The following B4GALT4 variants were observed in gnomAD, a reference collection of about 807,000 sequenced individuals.
B4GALT4 encodes N-acetyllactosamine synthase.
In B4GALT4, 27 loss-of-function variants were observed where a neutral mutation model predicts 37.3. The ratio of observed to expected loss-of-function variants is 0.72; its 90% confidence interval spans 0.53 to 1.00. B4GALT4 has a LOEUF of 1.00. B4GALT4 is among the 50% of genes least tolerant of loss of function. The pLI, the probability that B4GALT4 is intolerant of heterozygous loss-of-function variation, is 0.00. For synonymous variants in B4GALT4, 148 were observed against 154.1 expected (o/e 0.96, Z 0.29); for missense variants, 372 against 413.1 (o/e 0.90, Z 0.86).
chr3:119,221,569 C>T (rs979212817), intron 5 of B4GALT4, among the ~76,000 whole-genome samples: 8 of 152,218 alleles, frequency 5.3e-5, no homozygotes, highest in Non-Finnish European at 1.2e-4. Flanking sequence ...CTCCTACCTA[C>T]ATTACTTATA....
chr3:119,212,711 TAAG>T, intron 7 of B4GALT4, 30 bp from the exon 8 acceptor site: 1 of 1,561,648 alleles, frequency 6.4e-7, no homozygotes, highest in Admixed American at 2.1e-5. Context: ...ATGTGAATGA[TAAG>T]AATTTAACAT....
intron 6 of B4GALT4, among the ~76,000 whole-genome samples, chr3:119,217,650 G>A (rs572313839): frequency 3.3e-5 from 5 of 152,212 alleles, no homozygotes. Context: ...AGATCAGCCT[G>A]GCCAATATGG....
At chr3:119,216,429 TACACACACACGCACATACACACAC>T (rs983068111) in intron 6 of B4GALT4, 85 bp from the exon 7 acceptor site, 16 of 595,746 alleles carry the variant, frequency 2.7e-5, no homozygotes, top group African/African-American at 2.1e-4. Flanking sequence ...CGAAAATTTA[TACACACACACGCACATACACACAC>T]ACACACACAC....
At chr3:119,222,102 G>C (rs2078467371) in intron 5 of B4GALT4, among the ~76,000 whole-genome samples, 1 of 152,152 alleles carries the variant, frequency 6.6e-6, no homozygotes. Context: ...GCAATCCTCT[G>C]TGATTGCTTA....
chr3:119,234,177 G>A (rs1208709941), intron 2 of B4GALT4, among the ~76,000 whole-genome samples: 1 of 152,018 alleles, frequency 6.6e-6, no homozygotes, highest in Non-Finnish European at 1.5e-5. Context: ...GAGTGCAGTG[G>A]TGTGATCTCA....
intron 4 of B4GALT4, among the ~76,000 whole-genome samples, chr3:119,224,881 T>TC (rs1242728927): frequency 1.3e-5 from 2 of 152,328 alleles, no homozygotes; most frequent in African/African-American, 2.4e-5. Flanking sequence ...CTTTACGTAT[T>TC]CTGTATAAAA....
At chr3:119,220,644 C>T (rs1451966788) in intron 5 of B4GALT4, among the ~76,000 whole-genome samples, 2 of 152,256 alleles carry the variant, frequency 1.3e-5, no homozygotes, top group South Asian at 2.1e-4. Context: ...GCCCGACGAC[C>T]ACCTGGAGAG....
intron 2 of B4GALT4, among the ~76,000 whole-genome samples, chr3:119,234,773 G>A (rs2078934520): frequency 6.6e-6 from 1 of 152,162 alleles, no homozygotes; most frequent in Non-Finnish European, 1.5e-5. Context: ...GAAGTGCCAA[G>A]GGACTACATC....
chr3:119,221,326 G>A (rs949467491), intron 5 of B4GALT4, among the ~76,000 whole-genome samples: 2 of 152,172 alleles, frequency 1.3e-5, no homozygotes, highest in African/African-American at 4.8e-5. Flanking sequence ...AGAGACTTGG[G>A]GCAACTTACT....
At chr3:119,233,813 T>C (rs184058042) in intron 2 of B4GALT4, among the ~76,000 whole-genome samples, 1 of 152,294 alleles carries the variant, frequency 6.6e-6, no homozygotes, top group Admixed American at 6.5e-5. Flanking sequence ...AAAATAATTC[T>C]TACCTATCTT....
chr3:119,218,321 C>T (rs1253393047), intron 6 of B4GALT4, among the ~76,000 whole-genome samples: 1 of 152,202 alleles, frequency 6.6e-6, no homozygotes, highest in African/African-American at 2.4e-5. Flanking sequence ...AGGCTCTTAA[C>T]AACCCGGTCT....
rs2078184282 is a variant in B4GALT4 at position 119,212,465 on chromosome 3, T to C, written c.*84A>G. On this transcript the variant is annotated 3_prime_UTR_variant, in exon 8 of 8. Transcript: ENST00000393765. ...ACAATGAGCTGTAACAGGTTCTTAATGTGTGCTACTATTTGAAGTCTCTAG... is the reference window on the plus strand; with the variant it reads ...ACAATGAGCTGTAACAGGTTCTTAACGTGTGCTACTATTTGAAGTCTCTAG... 3.7e-6 allele frequency: 5 copies of C among 1,364,176 alleles called. No homozygotes were observed. Among genetic ancestry groups the C allele is most frequent in the African/African-American group, 1.5e-5 (1 of 68,606 alleles). 84.5% of individuals were successfully genotyped at this position (1,364,176 alleles called of 1,614,324 possible). A position where few individuals can be genotyped will look rare whatever the true frequency, so the allele number is the denominator to read the frequency against.
rs903521878 is a variant in B4GALT4, at chr3:119,221,834, T to C, written c.674+2224A>G. On this transcript the variant is annotated intron_variant, in intron 5 of 7. Coordinates refer to ENST00000393765, the MANE Select transcript of B4GALT4 (RefSeq NM_003778.4). ...ACCTGAATCATATTAAGAAAACCTG[T>C]CAGTTACTCAACAAAGGCTTTCTGA... Among the ~76,000 whole-genome samples, 12 of 152,320 alleles carry C rather than the reference T, an allele frequency of 7.9e-5. No homozygotes were observed. In the East Asian group the frequency reaches 2.1e-3, roughly 27 times the overall value.
At position 119,227,026 on chromosome 3, in the gene B4GALT4, A is replaced by G; in HGVS notation, c.269T>C (p.Leu90Pro). The change falls in exon 4 of 8, where the codon CTC becomes CCC. Residue 90 changes from leucine to proline, a missense_variant. Leu to Pro is a moderately conservative substitution (Grantham distance 98, BLOSUM62 -3). Transcript: ENST00000393765. ...VSPYLRGQSK[L>P]IFKPDLTLEE... ...CAAAGTGAGATCTGGTTTGAAAATGAGCTTGCTCTGGCCTCCTACAATGAA... is the reference window on the plus strand; with the variant it reads ...CAAAGTGAGATCTGGTTTGAAAATGGGCTTGCTCTGGCCTCCTACAATGAA... The G allele has an allele frequency of 6.2e-7, 1 of 1,614,140 alleles. No homozygotes were observed. The highest frequency in any genetic ancestry group is 8.5e-7 in the Non-Finnish European group (1 of 1,180,014).
At chr3:119,228,416 T>C (rs2078694153) in intron 3 of B4GALT4, among the ~76,000 whole-genome samples, 1 of 152,146 alleles carries the variant, frequency 6.6e-6, no homozygotes, top group African/African-American at 2.4e-5. Context: ...ACCAACCACA[T>C]CACCTTTAGT....
intron 5 of B4GALT4, among the ~76,000 whole-genome samples, chr3:119,222,127 A>T (rs1280761810): frequency 6.6e-6 from 1 of 152,224 alleles, no homozygotes; most frequent in Admixed American, 6.5e-5. Flanking sequence ...TGAATGGTGC[A>T]ACCAGGTGTT....
chr3:119,226,584 G>A (rs936554313), intron 4 of B4GALT4: 5 of 540,172 alleles, frequency 9.3e-6, no homozygotes, highest in Admixed American at 3.2e-5. Context: ...GCTTCCTCCA[G>A]AGGTTCCTTT....
Position 119,240,857 on chromosome 3 carries a change from G to T in B4GALT4, c.-371C>A, listed in dbSNP as rs1054383037. On this transcript the variant is annotated 5_prime_UTR_variant, in exon 1 of 8. Coordinates refer to ENST00000393765, the MANE Select transcript of B4GALT4 (RefSeq NM_003778.4). The stretch of plus-strand genomic sequence containing the variant: ...CGGAGCCAGCGTACTCACCCCGGAG[G>T]CGGCCGCGGCGAGCTAGCACTGCCC... The T allele has an allele frequency of 1.3e-5, 2 of 152,282 alleles. No homozygotes were observed. Among genetic ancestry groups the T allele is most frequent in the Admixed American group, 1.3e-4 (2 of 15,286 alleles). 9.4% of individuals were successfully genotyped at this position (152,282 alleles called of 1,614,324 possible).
At position 119,218,757 on chromosome 3, in the gene B4GALT4, T is replaced by C; in HGVS notation, c.690A>G (p.Gly230=). Residue 230 remains glycine (G), a synonymous_variant, in exon 6 of 8, where the codon GGA becomes GGG. Coordinates refer to ENST00000393765, the MANE Select transcript of B4GALT4 (RefSeq NM_003778.4). Reference sequence around the variant, plus strand: ...TTAGGGCAGTAACACCCCCAAAATATCCACTGTAACGTAACCTGGAGCAAA... The same window carrying C: ...TTAGGGCAGTAACACCCCCAAAATACCCACTGTAACGTAACCTGGAGCAAA... ...NSTGYRLRYS[G]YFGGVTALSR... 6.2e-7 allele frequency: 1 copy of C among 1,613,992 alleles called. No homozygotes were observed. The highest frequency in any genetic ancestry group is 8.5e-7 in the Non-Finnish European group (1 of 1,179,964).
Sources: gnomAD v4.1 joint callset for allele counts (sites outside exome capture counted in the v4.1 genomes callset) on GRCh38, gnomAD v4.1.1 for gene constraint, MANE v1.5 for transcripts, NCBI Gene and HGNC (gene_info 2026-07-23, HGNC 2026-07-21) for gene names.